RSRC1: variants seen among roughly 807,000 people sequenced by gnomAD.
The protein encoded by RSRC1 is serine/Arginine-related protein 53.
In RSRC1, 39 loss-of-function variants were observed where a neutral mutation model predicts 49.1. The ratio of observed to expected loss-of-function variants is 0.79; its 90% confidence interval spans 0.61 to 1.04. The LOEUF is 1.04. Ranked by LOEUF, RSRC1 falls within the 50% of genes least tolerant of loss-of-function variation. The probability of loss-of-function intolerance (pLI) is 0.00; values close to 1 mark genes in which losing one functional copy is unlikely to be tolerated. For synonymous variants in RSRC1, 143 were observed against 130.8 expected (o/e 1.09, Z -0.63); for missense variants, 388 against 402.4 (o/e 0.96, Z 0.31).
At chr3:158,347,952 T>C (rs1244533399) in intron 5 of RSRC1, among the ~76,000 whole-genome samples, 1 of 152,220 alleles carries the variant, frequency 6.6e-6, no homozygotes, top group Non-Finnish European at 1.5e-5. Flanking sequence ...TATTTTAATA[T>C]AGGCATGCAG....
chr3:158,159,126 G>C (rs1718058144), intron 3 of RSRC1, among the ~76,000 whole-genome samples: 2 of 152,032 alleles, frequency 1.3e-5, no homozygotes. Flanking sequence ...GGCCTGGCCT[G>C]AGATTCTAGG....
At chr3:158,259,562 C>T (rs1371399194) in intron 4 of RSRC1, among the ~76,000 whole-genome samples, 14 of 152,228 alleles carry the variant, frequency 9.2e-5, no homozygotes, top group South Asian at 4.1e-4. Flanking sequence ...GCATGGCCTG[C>T]GGTGATCACT....
intron 7 of RSRC1, among the ~76,000 whole-genome samples, chr3:158,493,484 A>T (rs542199475): frequency 6.6e-5 from 10 of 152,302 alleles, no homozygotes; most frequent in African/African-American, 2.4e-4. Flanking sequence ...TTTGTTTTTT[A>T]AAGAAATGCT....
chr3:158,435,523 G>T (rs1735997707), intron 6 of RSRC1, among the ~76,000 whole-genome samples: 1 of 151,438 alleles, frequency 6.6e-6, no homozygotes, highest in African/African-American at 2.4e-5. Flanking sequence ...TTTGACATAT[G>T]ATTACTCTGA....
intron 4 of RSRC1, among the ~76,000 whole-genome samples, chr3:158,265,555 C>T (rs1279944698): frequency 1.3e-5 from 2 of 151,862 alleles, no homozygotes; most frequent in Admixed American, 6.6e-5. Flanking sequence ...TGCTTGAAAC[C>T]GGGAGGCAGA....
chr3:158,483,688 C>A (rs1439335274), intron 7 of RSRC1, among the ~76,000 whole-genome samples: 1 of 151,888 alleles, frequency 6.6e-6, no homozygotes, highest in African/African-American at 2.4e-5. Context: ...TAAATGTAAT[C>A]TTTAAAAAGA....
chr3:158,142,665 C>T (rs753252904), intron 3 of RSRC1, among the ~76,000 whole-genome samples: 2 of 151,984 alleles, frequency 1.3e-5, no homozygotes, highest in Non-Finnish European at 1.5e-5. Flanking sequence ...AGTGTCACAC[C>T]CTTTTAAACA....
At chr3:158,117,258 T>C (rs951290619) in intron 1 of RSRC1, among the ~76,000 whole-genome samples, 4 of 152,242 alleles carry the variant, frequency 2.6e-5, no homozygotes, top group African/African-American at 9.6e-5. Context: ...TATGTCTTTT[T>C]AGAAAAATCA....
chr3:158,448,209 A>G (rs16828988), intron 6 of RSRC1, among the ~76,000 whole-genome samples: 10,946 of 151,972 alleles, frequency 0.072, 467 homozygotes, highest in South Asian at 0.13. Context: ...TATTTTCCAT[A>G]TCAGCATTCT....
chr3:158,403,009 C>T (rs1051905229), intron 6 of RSRC1, among the ~76,000 whole-genome samples: 12 of 151,842 alleles, frequency 7.9e-5, no homozygotes, highest in Non-Finnish European at 1.3e-4. Flanking sequence ...ATCATATTCA[C>T]TCTGCTGTTT....
chr3:158,250,148 A>G (rs1724126229), intron 4 of RSRC1, among the ~76,000 whole-genome samples: 1 of 152,158 alleles, frequency 6.6e-6, no homozygotes, highest in Admixed American at 6.5e-5. Context: ...ACAGGATCTC[A>G]TTCATTTTTA....
chr3:158,252,345 T>A (rs534056420), intron 4 of RSRC1, among the ~76,000 whole-genome samples: 73 of 151,324 alleles, frequency 4.8e-4, no homozygotes, highest in African/African-American at 1.6e-3. Flanking sequence ...GTATTTTTTT[T>A]AAGTAGAGAT....
chr3:158,469,582 A>C (rs1015457998), intron 7 of RSRC1: 2 of 154,296 alleles, frequency 1.3e-5, no homozygotes, highest in African/African-American at 4.8e-5. Flanking sequence ...CTTATTGAGA[A>C]GAAAACTGAT....
At chr3:158,179,263 C>T (rs1200213626) in intron 3 of RSRC1, among the ~76,000 whole-genome samples, 1 of 152,098 alleles carries the variant, frequency 6.6e-6, no homozygotes, top group Non-Finnish European at 1.5e-5. Context: ...TGTCCTGTTT[C>T]CCTGATGATA....
At chr3:158,278,373 A>G (rs1045878396) in intron 4 of RSRC1, among the ~76,000 whole-genome samples, 2 of 152,224 alleles carry the variant, frequency 1.3e-5, no homozygotes, top group Admixed American at 6.5e-5. Flanking sequence ...GTTGTTAACT[A>G]CCATGATATA....
At chr3:158,429,053 A>G (rs1735622906) in intron 6 of RSRC1, among the ~76,000 whole-genome samples, 2 of 151,888 alleles carry the variant, frequency 1.3e-5, no homozygotes, top group African/African-American at 2.4e-5. Context: ...CCTGAGAGGT[A>G]GAGGGAGCAG....
chr3:158,344,218 C>T (rs895788551), intron 5 of RSRC1, among the ~76,000 whole-genome samples: 15 of 152,110 alleles, frequency 9.9e-5, no homozygotes, highest in African/African-American at 3.6e-4. Context: ...GAGATAGTGC[C>T]ATTGCACTTC....
chr3:158,435,060 A>AAAATAACTTGTGC (rs1184744842), intron 6 of RSRC1, among the ~76,000 whole-genome samples: 1 of 151,938 alleles, frequency 6.6e-6, no homozygotes, highest in Admixed American at 6.6e-5. Flanking sequence ...AAATATTGGT[A>AAAATAACTTGTGC]AAATAACTTG....
intron 3 of RSRC1, among the ~76,000 whole-genome samples, chr3:158,130,637 A>G (rs1457210510): frequency 6.6e-6 from 1 of 152,184 alleles, no homozygotes; most frequent in East Asian, 1.9e-4. Context: ...TATTTTGTGT[A>G]TGAAACAAAG....
Sources: gnomAD v4.1 joint callset for allele counts (sites outside exome capture counted in the v4.1 genomes callset) on GRCh38, gnomAD v4.1.1 for gene constraint, MANE v1.5 for transcripts, NCBI Gene and HGNC (gene_info 2026-07-23, HGNC 2026-07-21) for gene names.